TTC27: variants seen among roughly 807,000 people sequenced by gnomAD.
TTC27 encodes tetratricopeptide repeat domain 27, also known as tetratricopeptide repeat protein 27.
A neutral mutation model predicts 115.9 loss-of-function variants in TTC27; 79 were observed. That is an observed-to-expected ratio of 0.68 (90% CI 0.57 to 0.82). TTC27 has a LOEUF of 0.82. Ranked by LOEUF, TTC27 falls within the 40% of genes least tolerant of loss-of-function variation. The probability of loss-of-function intolerance (pLI) is 0.00; values close to 1 mark genes in which losing one functional copy is unlikely to be tolerated. For synonymous variants in TTC27, 401 were observed against 356.0 expected (o/e 1.13, Z -1.42); for missense variants, 1,054 against 993.1 (o/e 1.06, Z -0.82).
At chr2:32,762,301 G>A (rs1669466419) in intron 13 of TTC27, among the ~76,000 whole-genome samples, 1 of 151,106 alleles carries the variant, frequency 6.6e-6, no homozygotes, top group Admixed American at 6.6e-5. Flanking sequence ...GTGTGTGTGT[G>A]TGTGTGTGTG....
chr2:32,630,975 G>A (rs1664169208), intron 2 of TTC27, among the ~76,000 whole-genome samples: 1 of 147,080 alleles, frequency 6.8e-6, no homozygotes, highest in African/African-American at 2.7e-5. Context: ...TTTACCCACC[G>A]GCAAAACTTC....
intron 7 of TTC27, among the ~76,000 whole-genome samples, chr2:32,671,230 A>G (rs1279849602): frequency 6.6e-6 from 1 of 151,854 alleles, no homozygotes; most frequent in Non-Finnish European, 1.5e-5. Flanking sequence ...TAGCTTGTAT[A>G]TTAAGGTCTG....
At chr2:32,709,367 C>A (rs1297528280) in intron 10 of TTC27, among the ~76,000 whole-genome samples, 1 of 152,142 alleles carries the variant, frequency 6.6e-6, no homozygotes, top group Non-Finnish European at 1.5e-5. Context: ...GGTGATAAAA[C>A]TGTTGATACA....
chr2:32,638,160 T>G (rs565473702), intron 3 of TTC27, among the ~76,000 whole-genome samples: 1 of 152,330 alleles, frequency 6.6e-6, no homozygotes, highest in East Asian at 1.9e-4. Context: ...TTTCCTCACC[T>G]CTAAAATTGA....
intron 16 of TTC27, among the ~76,000 whole-genome samples, chr2:32,807,445 G>T (rs1181327522): frequency 2.0e-5 from 3 of 152,026 alleles, no homozygotes; most frequent in African/African-American, 7.2e-5. Flanking sequence ...TAAACAAAAT[G>T]AGGCATTATT....
intron 10 of TTC27, among the ~76,000 whole-genome samples, chr2:32,720,302 T>C (rs528309501): frequency 1.3e-5 from 2 of 152,342 alleles, no homozygotes; most frequent in East Asian, 3.9e-4. Flanking sequence ...TACTTATTTT[T>C]ACATTCTCAA....
chr2:32,767,627 A>G (rs1041978906), intron 13 of TTC27, among the ~76,000 whole-genome samples: 4 of 150,940 alleles, frequency 2.7e-5, no homozygotes, highest in Non-Finnish European at 5.9e-5. Context: ...GCGCCCGGCT[A>G]ATTTTTTGTA....
chr2:32,667,712 G>A (rs1665840771), intron 7 of TTC27, among the ~76,000 whole-genome samples: 1 of 150,196 alleles, frequency 6.7e-6, no homozygotes, highest in South Asian at 2.1e-4. Context: ...CACCACACCT[G>A]GCTGTGTTTG....
At chr2:32,800,908 G>A (rs993170298) in intron 16 of TTC27, among the ~76,000 whole-genome samples, 2 of 152,030 alleles carry the variant, frequency 1.3e-5, no homozygotes, top group African/African-American at 2.4e-5. Flanking sequence ...TTCGCTTGGT[G>A]ATGAAAAAAA....
In TTC27 at chr2:32,706,567, C is replaced by T. The variant is rs140727306; in HGVS notation, c.1233+3647C>T. On this transcript the variant is annotated intron_variant, in intron 10 of 19. Transcript: ENST00000317907. ...TCAATATCCATTCTCCCTGCTCCCT[C>T]GCCTTTTTGTTTTTGAGACAGAGTG... 3.7e-3 allele frequency among the ~76,000 whole-genome samples: 558 copies of T among 152,122 alleles called. 2 individuals are homozygous for T. Among genetic ancestry groups the T allele is most frequent in the African/African-American group, 0.013 (523 of 41,508 alleles).
intron 9 of TTC27, among the ~76,000 whole-genome samples, chr2:32,687,658 A>C (rs1390439792): frequency 6.6e-6 from 1 of 152,218 alleles, no homozygotes; most frequent in Non-Finnish European, 1.5e-5. Context: ...AGATTTGCTA[A>C]ATTATTATAA....
At chr2:32,762,734 C>T (rs1240102949) in intron 13 of TTC27, among the ~76,000 whole-genome samples, 1 of 152,072 alleles carries the variant, frequency 6.6e-6, no homozygotes, top group African/African-American at 2.4e-5. Context: ...CTCTGCTTCC[C>T]AGGTTCAGGC....
chr2:32,777,527 C>T (rs1353337969), intron 13 of TTC27, among the ~76,000 whole-genome samples: 1 of 152,160 alleles, frequency 6.6e-6, no homozygotes, highest in Non-Finnish European at 1.5e-5. Flanking sequence ...TGTACATGTT[C>T]AGTAGAGATG....
chr2:32,702,526 G>C (rs543129133), intron 9 of TTC27, among the ~76,000 whole-genome samples: 2 of 152,210 alleles, frequency 1.3e-5, no homozygotes, highest in Middle Eastern at 3.4e-3. Flanking sequence ...ATTCAGTTTT[G>C]ATATAGGCCA....
intron 16 of TTC27, among the ~76,000 whole-genome samples, chr2:32,788,178 AT>A (rs1263457107): frequency 2.6e-5 from 4 of 152,186 alleles, no homozygotes; most frequent in Non-Finnish European, 5.9e-5. Context: ...AATTATTTAT[AT>A]TTGTAGTATA....
Position 32,807,192 on chromosome 2 carries a change from T to A in TTC27, c.1999-3832T>A, listed in dbSNP as rs1341366941. On this transcript the variant is annotated intron_variant, in intron 16 of 19. Coordinates refer to ENST00000317907, the MANE Select transcript of TTC27 (RefSeq NM_017735.5). Reference sequence around the variant, plus strand: ...TTTTTTCTTCTTCTTTGCCAATCTTTAGATGTATTTATGTCTGCTTTTTCT... The same window carrying A: ...TTTTTTCTTCTTCTTTGCCAATCTTAAGATGTATTTATGTCTGCTTTTTCT... 5.9e-5 allele frequency among the ~76,000 whole-genome samples: 9 copies of A among 152,296 alleles called. No homozygotes were observed. The East Asian group carries it at 1.7e-3, about 29-fold the overall frequency.
intron 12 of TTC27, among the ~76,000 whole-genome samples, chr2:32,753,644 A>C (rs188291638): frequency 5.9e-5 from 9 of 151,994 alleles, no homozygotes; most frequent in East Asian, 5.9e-4. Context: ...ATGGGGTTTC[A>C]CTATGGTGGC....
At chr2:32,628,830 G>T (rs2063534669) in intron 1 of TTC27, among the ~76,000 whole-genome samples, 1 of 151,758 alleles carries the variant, frequency 6.6e-6, no homozygotes, top group Non-Finnish European at 1.5e-5. Flanking sequence ...GCGCGATCTC[G>T]GCTCGCTGCA....
At position 32,628,165 on chromosome 2, in the gene TTC27, A is replaced by G. The variant is rs570292853; in HGVS notation, c.-128A>G. ...TCCGCACATGGAATTCTAGGGCCGC[A>G]GGTGTATTTACGGTAACTGTCGCCA... On this transcript the variant is annotated 5_prime_UTR_variant, in exon 1 of 20. Transcript: ENST00000317907. 4 of 812,464 alleles carry G rather than the reference A, an allele frequency of 4.9e-6. No homozygotes were observed. The East Asian group carries it at 1.1e-4, about 23-fold the overall frequency. 50.3% of individuals were successfully genotyped at this position (812,464 alleles called of 1,614,324 possible). A position where few individuals can be genotyped will look rare whatever the true frequency, so the allele number is the denominator to read the frequency against.
Sources: gnomAD v4.1 joint callset for allele counts (sites outside exome capture counted in the v4.1 genomes callset) on GRCh38, gnomAD v4.1.1 for gene constraint, MANE v1.5 for transcripts, NCBI Gene and HGNC (gene_info 2026-07-23, HGNC 2026-07-21) for gene names.